RBFOX1: variants seen among roughly 807,000 people sequenced by gnomAD.
RBFOX1 encodes the protein RNA binding protein fox-1 homolog 1.
A neutral mutation model predicts 57.7 loss-of-function variants in RBFOX1; 8 were observed. That is an observed-to-expected ratio of 0.14 (90% CI 0.08 to 0.25). The LOEUF (loss-of-function observed/expected upper bound fraction) is 0.25. Among genes scored for constraint, RBFOX1 ranks in the 10% least tolerant of loss-of-function variants. RBFOX1 has a pLI of 1.00. For synonymous variants in RBFOX1, 326 were observed against 222.4 expected (o/e 1.47, Z -4.15); for missense variants, 611 against 548.5 (o/e 1.11, Z -1.14).
chr16:5,252,614 C>T (rs967062711), intron 1 of RBFOX1, among the ~76,000 whole-genome samples: 1 of 152,164 alleles, frequency 6.6e-6, no homozygotes, highest in Non-Finnish European at 1.5e-5. Flanking sequence ...GGGGCCTGGG[C>T]AGCACTGTCC....
intron 2 of RBFOX1, among the ~76,000 whole-genome samples, chr16:5,480,497 C>A (rs2069496942): frequency 6.6e-6 from 1 of 152,180 alleles, no homozygotes. Context: ...CCTGCTGCCG[C>A]TGAAAATGCA....
At chr16:6,057,467 A>G (rs948199634) in intron 1 of RBFOX1, among the ~76,000 whole-genome samples, 1 of 152,100 alleles carries the variant, frequency 6.6e-6, no homozygotes, top group Admixed American at 6.6e-5. Context: ...ACCAATATTT[A>G]TTGAGGGCTT....
At chr16:7,698,448 C>T (rs907012881) in intron 14 of RBFOX1, among the ~76,000 whole-genome samples, 4 of 152,044 alleles carry the variant, frequency 2.6e-5, no homozygotes, top group African/African-American at 7.2e-5. Flanking sequence ...CAGGTTGCTA[C>T]CCAAGTTACC....
At chr16:6,278,410 A>G (rs1599108140) in intron 1 of RBFOX1, among the ~76,000 whole-genome samples, 1 of 140,596 alleles carries the variant, frequency 7.1e-6, no homozygotes, top group East Asian at 2.0e-4. Flanking sequence ...AAAAAAAAAA[A>G]AATAGAGGCA....
chr16:6,214,453 AG>A (rs1315571975), intron 1 of RBFOX1, among the ~76,000 whole-genome samples: 1 of 133,394 alleles, frequency 7.5e-6, no homozygotes, highest in Non-Finnish European at 1.6e-5. Context: ...AGAAGGTGAG[AG>A]GGAGAGCGAC....
chr16:7,596,623 G>T (rs928284935), intron 8 of RBFOX1, among the ~76,000 whole-genome samples: 2 of 151,838 alleles, frequency 1.3e-5, no homozygotes, highest in African/African-American at 4.8e-5. Context: ...TTGACTTGTC[G>T]TATTAAGTTT....
intron 3 of RBFOX1, chr16:5,632,477 G>A (rs1197129325): frequency 1.3e-5 from 2 of 152,204 alleles, no homozygotes; most frequent in South Asian, 2.1e-4. Context: ...CAGTACATGA[G>A]AGCCATCATT....
At chr16:5,911,662 A>C (rs2058605338) in intron 4 of RBFOX1, among the ~76,000 whole-genome samples, 1 of 152,190 alleles carries the variant, frequency 6.6e-6, no homozygotes, top group African/African-American at 2.4e-5. Flanking sequence ...ACTTCTAAAC[A>C]GCAGAGATTT....
At chr16:5,938,391 G>C (rs532540345) in intron 4 of RBFOX1, among the ~76,000 whole-genome samples, 2 of 152,282 alleles carry the variant, frequency 1.3e-5, no homozygotes, top group African/African-American at 4.8e-5. Context: ...CTCAAGCTGA[G>C]TGACTTAGCA....
chr16:7,182,277 AG>A (rs1480662244), intron 4 of RBFOX1, among the ~76,000 whole-genome samples: 1 of 152,098 alleles, frequency 6.6e-6, no homozygotes, highest in East Asian at 1.9e-4. Context: ...GCTCCTCTAT[AG>A]GGATGTGAGG....
At chr16:7,541,314 A>T (rs62009892) in intron 5 of RBFOX1, among the ~76,000 whole-genome samples, 1 of 152,076 alleles carries the variant, frequency 6.6e-6, no homozygotes, top group Non-Finnish European at 1.5e-5. Context: ...GTTGGCTGCA[A>T]ATGTGAGGCA....
Position 6,410,303 on chromosome 16 carries a change from C to CTTTTTT in RBFOX1, c.-64+93263_-64+93268dup, listed in dbSNP as rs34012786. Among the ~76,000 whole-genome samples the CTTTTTT allele has an allele frequency of 3.1e-3, 273 of 86,712 alleles. 12 individuals carry two copies. In the East Asian group the frequency reaches 0.045, roughly 14 times the overall value. The allele number at this position is 86,712 out of a possible 152,430, so 56.9% of individuals were successfully genotyped here. A position where few individuals can be genotyped will look rare whatever the true frequency, so the allele number is the denominator to read the frequency against. On this transcript the variant is annotated intron_variant, in intron 2 of 15. Coordinates refer to ENST00000550418, the MANE Select transcript of RBFOX1 (RefSeq NM_018723.4). ...CCTGCTGAAACGATGACCTAGGGTTCTTTTTTTTTTTTTTTTTTTTTTGAG... is the reference window on the plus strand; with the variant it reads ...CCTGCTGAAACGATGACCTAGGGTTCTTTTTTTTTTTTTTTTTTTTTTTTTTTTGAG...
At chr16:6,424,263 A>G (rs1050051467) in intron 2 of RBFOX1, among the ~76,000 whole-genome samples, 1 of 152,122 alleles carries the variant, frequency 6.6e-6, no homozygotes, top group African/African-American at 2.4e-5. Flanking sequence ...AAATGAACAA[A>G]CAAACAACAA....
At chr16:7,032,119 T>A (rs971958046) in intron 3 of RBFOX1, among the ~76,000 whole-genome samples, 3 of 152,040 alleles carry the variant, frequency 2.0e-5, no homozygotes, top group Non-Finnish European at 4.4e-5. Context: ...AGAATTTCAT[T>A]ATTATTTTTA....
chr16:5,381,457 G>A (rs1010299956), intron 1 of RBFOX1, among the ~76,000 whole-genome samples: 1 of 152,206 alleles, frequency 6.6e-6, no homozygotes, highest in Non-Finnish European at 1.5e-5. Flanking sequence ...CACTCAGTAG[G>A]TCTGGGGCAG....
chr16:7,227,523 C>T (rs960288842), intron 4 of RBFOX1, among the ~76,000 whole-genome samples: 3 of 152,158 alleles, frequency 2.0e-5, no homozygotes, highest in African/African-American at 7.2e-5. Context: ...TTCTGCAGCT[C>T]TTCAGACGCA....
intron 2 of RBFOX1, among the ~76,000 whole-genome samples, chr16:6,487,505 G>C (rs1282633615): frequency 1.3e-5 from 2 of 151,018 alleles, no homozygotes; most frequent in African/African-American, 4.9e-5. Context: ...AAATTATTTT[G>C]GTTGGGTTTA....
intron 3 of RBFOX1, among the ~76,000 whole-genome samples, chr16:6,973,970 C>A (rs1205775516): frequency 6.6e-6 from 1 of 152,126 alleles, no homozygotes; most frequent in African/African-American, 2.4e-5. Flanking sequence ...GTGTTCCCCT[C>A]CCTGTGTCCA....
At chr16:6,205,785 GGTTT>G (rs1285627140) in intron 1 of RBFOX1, among the ~76,000 whole-genome samples, 1 of 142,814 alleles carries the variant, frequency 7.0e-6, no homozygotes, top group Non-Finnish European at 1.5e-5. Context: ...AACTGGTTTT[GGTTT>G]GTTTAAGAGA....
Sources: gnomAD v4.1 joint callset for allele counts (sites outside exome capture counted in the v4.1 genomes callset) on GRCh38, gnomAD v4.1.1 for gene constraint, MANE v1.5 for transcripts, NCBI Gene and HGNC (gene_info 2026-07-23, HGNC 2026-07-21) for gene names.